The following LRRC63 variants were observed in gnomAD, a reference collection of about 807,000 sequenced individuals.
LRRC63 encodes leucine rich repeat containing 63.
LRRC63 carries 40 observed loss-of-function variants against 49.5 expected under a neutral mutation model. The ratio of observed to expected loss-of-function variants is 0.81; its 90% CI spans 0.63 to 1.05. LRRC63 has a LOEUF of 1.05. LRRC63 is among the 50% of genes least tolerant of loss of function. The pLI is 0.00. For missense variants in LRRC63, 636 were observed against 663.1 expected (o/e 0.96, Z 0.45); for synonymous variants, 191 against 221.1 (o/e 0.86, Z 1.21).
chr13:46,234,397 T>C (rs779557402), intron 5 of LRRC63, 48 bp downstream of exon 5: 1 of 1,511,986 alleles, frequency 6.6e-7, no homozygotes, highest in Non-Finnish European at 8.9e-7. Context: ...TTATCAATTA[T>C]TTTTGCTTTA....
At chr13:46,227,835 A>G (rs7338697) in exon 3 of LRRC63, 172,301 of 1,549,880 alleles carry the variant, frequency 0.11, 13,794 homozygotes, top group African/African-American at 0.39. Context: ...GTTTAAAACT[A>G]TGAAAGATGT....
At chr13:46,258,575 C>T (rs1352685972) in intron 7 of LRRC63, among the ~76,000 whole-genome samples, 5 of 149,674 alleles carry the variant, frequency 3.3e-5, no homozygotes, top group South Asian at 2.1e-4. Context: ...TTTGGGAGGC[C>T]GGGGTGGGCG....
intron 9 of LRRC63, among the ~76,000 whole-genome samples, chr13:46,272,603 C>A (rs2047775227): frequency 6.6e-6 from 1 of 152,086 alleles, no homozygotes; most frequent in African/African-American, 2.4e-5. Flanking sequence ...TAAAAGAGCA[C>A]CTTAAATCTC....
In LRRC63 at chr13:46,228,177, C is replaced by T. The variant is rs1465043096; in HGVS notation, c.751C>T (p.Gln251Ter). The T allele has an allele frequency of 1.3e-6, 2 of 1,545,228 alleles. No individual in the cohort carries two copies. The highest frequency in any genetic ancestry group is 8.7e-7 in the Non-Finnish European group (1 of 1,144,036). Residue 251 changes from glutamine (Q) to a stop codon, truncating the protein, a stop_gained, in exon 3 of 10, where the codon CAG becomes TAG. Coordinates refer to ENST00000595396, the Ensembl canonical transcript of LRRC63. LOFTEE classifies it high-confidence loss of function. ...AGTTTTACCAAGAAAACCTCACAGG[C>T]AGTCTGTGATAGGTAAATACAATCT...
intron 2 of LRRC63, among the ~76,000 whole-genome samples, chr13:46,223,750 G>C (rs1054620710): frequency 3.9e-5 from 6 of 152,142 alleles, no homozygotes; most frequent in African/African-American, 1.4e-4. Flanking sequence ...CAGCTACTTG[G>C]GAGGCTGAGG....
chr13:46,212,904 GGT>G (rs1291409073), intron 1 of LRRC63, 96 bp from the exon 2 acceptor site: 7 of 626,220 alleles, frequency 1.1e-5, no homozygotes, highest in African/African-American at 1.9e-5. Context: ...GTAGAGTATT[GGT>G]ACAGAATGAT....
intron 2 of LRRC63, among the ~76,000 whole-genome samples, chr13:46,218,453 G>T (rs987074037): frequency 1.3e-5 from 2 of 151,370 alleles, no homozygotes; most frequent in Non-Finnish European, 2.9e-5. Flanking sequence ...CCATTTGCTT[G>T]GTAAATATTC....
At chr13:46,226,521 C>T (rs1278273198) in intron 2 of LRRC63, among the ~76,000 whole-genome samples, 1 of 152,154 alleles carries the variant, frequency 6.6e-6, no homozygotes, top group Non-Finnish European at 1.5e-5. Flanking sequence ...AAGTATCAGT[C>T]AGGGAGGTGG....
At chr13:46,244,118 C>T (rs2047144671) in intron 5 of LRRC63, among the ~76,000 whole-genome samples, 1 of 152,124 alleles carries the variant, frequency 6.6e-6, no homozygotes, top group South Asian at 2.1e-4. Context: ...CTTGAAATCT[C>T]TTTAAAAGAA....
At chr13:46,259,733 T>TCTTATAG (rs1486430871) in intron 7 of LRRC63, among the ~76,000 whole-genome samples, 1 of 152,128 alleles carries the variant, frequency 6.6e-6, no homozygotes, top group Non-Finnish European at 1.5e-5. Flanking sequence ...TTGCTTAACC[T>TCTTATAG]CTTATAGCTT....
chr13:46,254,165 A>G (rs1157631642), intron 7 of LRRC63, among the ~76,000 whole-genome samples: 1 of 152,180 alleles, frequency 6.6e-6, no homozygotes, highest in South Asian at 2.1e-4. Flanking sequence ...GCCAGCTTGC[A>G]GTGGGTTGTG....
intron 4 of LRRC63, among the ~76,000 whole-genome samples, chr13:46,229,761 A>G (rs1450008862): frequency 6.6e-6 from 1 of 152,174 alleles, no homozygotes; most frequent in African/African-American, 2.4e-5. Context: ...GTGTTAGGCC[A>G]TTCTTGCATT....
At chr13:46,231,385 C>T (rs2046750936) in intron 4 of LRRC63, among the ~76,000 whole-genome samples, 1 of 152,188 alleles carries the variant, frequency 6.6e-6, no homozygotes, top group Non-Finnish European at 1.5e-5. Flanking sequence ...ATGGCATTCC[C>T]TTGGCTTTTG....
At chr13:46,251,444 G>C (rs1363045237) in intron 7 of LRRC63, among the ~76,000 whole-genome samples, 1 of 151,738 alleles carries the variant, frequency 6.6e-6, no homozygotes, top group Non-Finnish European at 1.5e-5. Context: ...ATTTCTGTTT[G>C]ACTCATCCGG....
intron 8 of LRRC63, 130 bp downstream of exon 8, chr13:46,262,122 C>G (rs1170626954): frequency 2.9e-6 from 1 of 350,188 alleles, no homozygotes; most frequent in African/African-American, 2.1e-5. Flanking sequence ...CAAAGTTTAC[C>G]AAACATGTAA....
chr13:46,221,815 G>T (rs767884663), intron 2 of LRRC63, among the ~76,000 whole-genome samples: 50 of 152,188 alleles, frequency 3.3e-4, no homozygotes, highest in Admixed American at 8.5e-4. Flanking sequence ...GTGGAGGACT[G>T]CAGATTTCCA....
At chr13:46,232,465 A>G (rs1440743187) in intron 4 of LRRC63, among the ~76,000 whole-genome samples, 3 of 152,234 alleles carry the variant, frequency 2.0e-5, no homozygotes, top group African/African-American at 7.2e-5. Flanking sequence ...GCTCTGCCAA[A>G]GTGTTGGGGC....
chr13:46,262,702 G>A (rs1925995), intron 8 of LRRC63, among the ~76,000 whole-genome samples: 13 of 151,626 alleles, frequency 8.6e-5, no homozygotes, highest in African/African-American at 2.4e-4. Context: ...TATGACTCAC[G>A]TCATATTTTT....
At chr13:46,224,470 C>A (rs939695644) in intron 2 of LRRC63, among the ~76,000 whole-genome samples, 1 of 152,102 alleles carries the variant, frequency 6.6e-6, no homozygotes, top group Non-Finnish European at 1.5e-5. Flanking sequence ...ATCCTGAATT[C>A]TTCTTCTGAA....
Sources: allele counts gnomAD v4.1 joint callset (sites outside exome capture counted in the v4.1 genomes callset), GRCh38; gene constraint gnomAD v4.1.1; transcripts MANE v1.5; gene names NCBI Gene and HGNC (gene_info 2026-07-23, HGNC 2026-07-21).